PPFIA1: variants seen among roughly 807,000 people sequenced by gnomAD.
PPFIA1 encodes PPFI scaffold protein A1.
PPFIA1 carries 25 observed loss-of-function variants against 149.9 expected under a neutral mutation model. That is an observed-to-expected ratio of 0.17 (90% CI 0.12 to 0.23). PPFIA1 has a LOEUF of 0.23. PPFIA1 is among the 10% of genes least tolerant of loss of function. The probability of loss-of-function intolerance (pLI) is 1.00; values close to 1 mark genes in which losing one functional copy is unlikely to be tolerated. For synonymous variants in PPFIA1, 549 were observed against 552.8 expected (o/e 0.99, Z 0.10); for missense variants, 1,362 against 1,506.5 (o/e 0.90, Z 1.59).
At chr11:70,344,548 C>G (rs1219010083) in intron 15 of PPFIA1, among the ~76,000 whole-genome samples, 1 of 152,208 alleles carries the variant, frequency 6.6e-6, no homozygotes, top group Non-Finnish European at 1.5e-5. Context: ...TCACCTGCCG[C>G]ATGTGCAGCC....
chr11:70,310,572 G>A (rs1433713348), intron 2 of PPFIA1, among the ~76,000 whole-genome samples: 7 of 151,992 alleles, frequency 4.6e-5, no homozygotes, highest in Non-Finnish European at 7.4e-5. Flanking sequence ...TTTTAGTAGA[G>A]ATGGGGTTTC....
At chr11:70,275,723 G>A (rs781051446) in intron 2 of PPFIA1, among the ~76,000 whole-genome samples, 36 of 152,082 alleles carry the variant, frequency 2.4e-4, no homozygotes, top group Non-Finnish European at 4.3e-4. Flanking sequence ...AAGTGTGTGG[G>A]TCTGTTTCTG....
intron 2 of PPFIA1, among the ~76,000 whole-genome samples, chr11:70,304,328 T>G (rs907464104): frequency 6.6e-6 from 1 of 151,820 alleles, no homozygotes; most frequent in Non-Finnish European, 1.5e-5. Flanking sequence ...TCCTTTGTGA[T>G]AGCCTTTAAA....
chr11:70,381,955 GCAGCTCCCCT>G (rs2057730269), intron 26 of PPFIA1, 123 bp from the exon 27 acceptor site: 1 of 703,244 alleles, frequency 1.4e-6, no homozygotes, highest in Non-Finnish European at 2.4e-6. Context: ...GCCCACTCAG[GCAGCTCCCCT>G]CAGGTCCCTC....
intron 2 of PPFIA1, among the ~76,000 whole-genome samples, chr11:70,275,711 G>T (rs191553248): frequency 5.3e-4 from 81 of 152,296 alleles, no homozygotes; most frequent in African/African-American, 1.9e-3. Flanking sequence ...TCCAGTGACT[G>T]TAAGTGTGTG....
chr11:70,367,916 G>A (rs1189975344), intron 21 of PPFIA1, among the ~76,000 whole-genome samples: 3 of 152,096 alleles, frequency 2.0e-5, no homozygotes, highest in Non-Finnish European at 2.9e-5. Context: ...CAGGTGGATC[G>A]CTTTCAGCCC....
chr11:70,337,917 C>T (rs1192401289), intron 12 of PPFIA1, among the ~76,000 whole-genome samples: 4 of 152,172 alleles, frequency 2.6e-5, no homozygotes, highest in Non-Finnish European at 5.9e-5. Flanking sequence ...TTACAGGGCT[C>T]AGTAGCCACG....
rs182615612 is a variant in PPFIA1 at position 70,328,745 on chromosome 11, T to C, written c.931-1428T>C. ...CAACCTCACCAGCATCTGTTACTGA[T>C]TGACTTTTCCACAATAGCCATTCTG... On this transcript the variant is annotated intron_variant, in intron 7 of 27. Coordinates refer to ENST00000253925, the MANE Select transcript of PPFIA1 (RefSeq NM_003626.5). Among the ~76,000 whole-genome samples, 240 of 152,270 alleles carry C rather than the reference T, an allele frequency of 1.6e-3. 1 individual carries two copies. Among genetic ancestry groups the C allele is most frequent in the African/African-American group, 5.3e-3 (220 of 41,556 alleles).
At chr11:70,345,861 G>A (rs1266676156) in intron 15 of PPFIA1, 4 of 267,558 alleles carry the variant, frequency 1.5e-5, no homozygotes, top group Non-Finnish European at 3.1e-5. Context: ...ACTGTGATGA[G>A]TGTGCGTACA....
intron 2 of PPFIA1, among the ~76,000 whole-genome samples, chr11:70,292,481 C>T (rs531586082): frequency 2.6e-5 from 4 of 152,348 alleles, no homozygotes; most frequent in East Asian, 1.9e-4. Flanking sequence ...ACCTTTGTCA[C>T]GTTCCCTCAT....
intron 9 of PPFIA1, among the ~76,000 whole-genome samples, chr11:70,332,744 G>A (rs1324728766): frequency 3.3e-5 from 5 of 152,184 alleles, no homozygotes; most frequent in Non-Finnish European, 7.3e-5. Flanking sequence ...CCAGCCTCTG[G>A]GGCGTGGGGA....
intron 16 of PPFIA1, chr11:70,350,130 A>C: frequency 3.0e-6 from 1 of 328,250 alleles, no homozygotes; most frequent in Non-Finnish European, 5.9e-6. Flanking sequence ...AGTTAAAAGT[A>C]TCTTTTTCTC....
chr11:70,374,080 A>G (rs547082647), intron 23 of PPFIA1: 3 of 152,354 alleles, frequency 2.0e-5, no homozygotes, highest in East Asian at 1.9e-4. Flanking sequence ...GTTAATTTGC[A>G]TAAGATATTG....
chr11:70,297,483 C>T (rs1462604052), intron 2 of PPFIA1, among the ~76,000 whole-genome samples: 5 of 152,082 alleles, frequency 3.3e-5, no homozygotes, highest in African/African-American at 7.2e-5. Context: ...AACAGTCTCT[C>T]CTTGTACTCA....
At chr11:70,295,532 GGACGGGGCGGCTGGCCGGGC>G (rs2136263834) in intron 2 of PPFIA1, among the ~76,000 whole-genome samples, 1 of 133,414 alleles carries the variant, frequency 7.5e-6, no homozygotes, top group African/African-American at 2.8e-5. Context: ...CCTCCCTCCC[GGACGGGGCGGCTGGCCGGGC>G]GGGGGGCTGA....
intron 2 of PPFIA1, among the ~76,000 whole-genome samples, chr11:70,319,067 G>A (rs986264264): frequency 6.6e-5 from 10 of 152,180 alleles, no homozygotes; most frequent in Non-Finnish European, 1.0e-4. Context: ...AATTTAGCAC[G>A]TCCAAACCCA....
chr11:70,319,600 C>T (rs1341790617), intron 2 of PPFIA1, among the ~76,000 whole-genome samples: 1 of 152,188 alleles, frequency 6.6e-6, no homozygotes, highest in Non-Finnish European at 1.5e-5. Flanking sequence ...TTGAGCACAT[C>T]CCTTATGCTA....
At chr11:70,325,952 T>C (rs959940272) in intron 5 of PPFIA1, among the ~76,000 whole-genome samples, 5 of 143,362 alleles carry the variant, frequency 3.5e-5, no homozygotes, top group African/African-American at 1.3e-4. Context: ...AAAAAAAAAG[T>C]AAAAGAAGTA....
At chr11:70,308,893 AGTCTGGGT>A (rs895461288) in intron 2 of PPFIA1, among the ~76,000 whole-genome samples, 12 of 152,224 alleles carry the variant, frequency 7.9e-5, no homozygotes, top group African/African-American at 2.9e-4. Context: ...ACTTCACTTC[AGTCTGGGT>A]GACAGGGCGA....
Sources: allele counts gnomAD v4.1 joint callset (sites outside exome capture counted in the v4.1 genomes callset), GRCh38; gene constraint gnomAD v4.1.1; transcripts MANE v1.5; gene names NCBI Gene and HGNC (gene_info 2026-07-23, HGNC 2026-07-21).